Variants in FBXO36 observed in about 807,000 individuals in gnomAD.
FBXO36 encodes F-box protein 36, also known as F-box only protein 36.
A neutral mutation model predicts 17.0 loss-of-function variants in FBXO36; 18 were observed. The observed-to-expected ratio is 1.06, with a 90% CI of 0.73 to 1.57. The LOEUF (loss-of-function observed/expected upper bound fraction) is 1.57, where lower values mean the gene tolerates loss of function less well. Among genes scored for constraint, FBXO36 ranks in the 40% most tolerant of loss-of-function variants. The pLI is 0.00. For missense variants in FBXO36, 229 were observed against 221.9 expected (o/e 1.03, Z -0.20); for synonymous variants, 83 against 85.3 (o/e 0.97, Z 0.15).
intron 1 of FBXO36, among the ~76,000 whole-genome samples, chr2:229,962,533 A>ATTTTATT (rs2077128446): frequency 1.3e-5 from 2 of 149,080 alleles, no homozygotes; most frequent in African/African-American, 4.9e-5. Context: ...ATTTTATTTT[A>ATTTTATT]TTTTATTTTA....
intron 1 of FBXO36, among the ~76,000 whole-genome samples, chr2:229,973,090 C>T (rs1001283859): frequency 7.6e-6 from 1 of 131,192 alleles, no homozygotes; most frequent in Non-Finnish European, 1.7e-5. Flanking sequence ...ATATTGTGTA[C>T]CTTGTCAATA....
intron 1 of FBXO36, among the ~76,000 whole-genome samples, chr2:229,939,924 CATACAAAAAT>C (rs1311813149): frequency 6.6e-6 from 1 of 152,034 alleles, no homozygotes; most frequent in Non-Finnish European, 1.5e-5. Flanking sequence ...TCTACAAAAA[CATACAAAAAT>C]TAGCCAGGCG....
At chr2:229,938,012 GGGT>G (rs2076973943) in intron 1 of FBXO36, 2 of 152,600 alleles carry the variant, frequency 1.3e-5, no homozygotes, top group East Asian at 3.9e-4. Flanking sequence ...TGTCGCCCCA[GGGT>G]GGAGTGCAGT....
chr2:229,922,552 A>G lies in FBXO36; in HGVS notation c.39A>G (p.Val13=). 1.2e-6 allele frequency: 2 copies of G among 1,614,016 alleles called. No homozygotes were observed. The highest frequency in any genetic ancestry group is 1.7e-6 in the Non-Finnish European group (2 of 1,179,996). ...SWLPETLFET[V]GQGPPPSKDY... is the part of the protein sequence containing the mutation. ...TGCCGGAGACTCTCTTTGAAACTGT[A>G]GGACAAGGCCCGCCGCCTAGCAAAG... Residue 13 remains valine (V), a synonymous_variant, in exon 1 of 4, where the codon GTA becomes GTG. Transcript: ENST00000283946.
intron 2 of FBXO36, among the ~76,000 whole-genome samples, chr2:229,979,551 AGGTGGATCACCT>A (rs2077227467): frequency 6.6e-6 from 1 of 151,708 alleles, no homozygotes; most frequent in Admixed American, 6.6e-5. Context: ...AGGCAGACGC[AGGTGGATCACCT>A]GAGGTCAGGT....
At chr2:229,986,784 CT>C (rs1452099393) in intron 2 of FBXO36, among the ~76,000 whole-genome samples, 4 of 151,900 alleles carry the variant, frequency 2.6e-5, no homozygotes, top group African/African-American at 9.7e-5. Context: ...ATCCACCCAC[CT>C]CAGCCTCCCA....
intron 1 of FBXO36, chr2:229,939,058 G>C (rs866070331): frequency 8.6e-6 from 1 of 115,620 alleles, no homozygotes; most frequent in African/African-American, 3.4e-5. Context: ...TTTGTTTTTT[G>C]TTTTTTTTTT....
intron 1 of FBXO36, among the ~76,000 whole-genome samples, chr2:229,932,297 G>T (rs1031800974): frequency 6.6e-6 from 1 of 151,860 alleles, no homozygotes; most frequent in Non-Finnish European, 1.5e-5. Context: ...GACGCGGATG[G>T]ATCACCTAAG....
intron 2 of FBXO36, among the ~76,000 whole-genome samples, chr2:229,989,260 T>C (rs1331899153): frequency 6.6e-6 from 1 of 152,144 alleles, no homozygotes; most frequent in Admixed American, 6.6e-5. Flanking sequence ...TTTATTTTTA[T>C]TTATTTATTT....
chr2:229,998,062 C>T (rs1226044821), intron 3 of FBXO36, among the ~76,000 whole-genome samples: 3 of 152,164 alleles, frequency 2.0e-5, no homozygotes, highest in Non-Finnish European at 4.4e-5. Context: ...TGTGTTGGGG[C>T]AATGTCCATT....
chr2:229,937,662 C>T lies in FBXO36; in HGVS notation c.96+15053C>T, dbSNP rs368056553. ...AGTGTTGGCTTTTTTTCCACTCACC[C>T]AATCTTCCTGATCTCAAGTCAAGCT... On this transcript the variant is annotated intron_variant, in intron 1 of 3. Transcript: ENST00000283946. 9.2e-5 allele frequency among the ~76,000 whole-genome samples: 14 copies of T among 152,258 alleles called. 1 individual carries two copies. The South Asian group carries it at 2.7e-3, about 29-fold the overall frequency.
At chr2:229,971,913 A>C (rs2077182143) in intron 1 of FBXO36, among the ~76,000 whole-genome samples, 1 of 151,162 alleles carries the variant, frequency 6.6e-6, no homozygotes, top group South Asian at 2.1e-4. Context: ...CCTGGGCCCA[A>C]GTGATCCTCC....
chr2:229,971,801 A>G (rs370903602), intron 1 of FBXO36, among the ~76,000 whole-genome samples: 1 of 151,086 alleles, frequency 6.6e-6, no homozygotes, highest in Non-Finnish European at 1.5e-5. Flanking sequence ...TGATCCTCCC[A>G]CCTCAGCACA....
At chr2:229,941,267 A>G (rs992743052) in intron 1 of FBXO36, among the ~76,000 whole-genome samples, 4 of 152,006 alleles carry the variant, frequency 2.6e-5, no homozygotes, top group African/African-American at 7.3e-5. Flanking sequence ...CATCCTGGCT[A>G]ACACGGTGAA....
Position 230,010,968 on chromosome 2 carries a change from A to G in FBXO36, c.*84A>G. ...AAATCTCTTCTGTCTCCTTTTCTTA[A>G]GAACTAAGAGGTTTTGTTGATGCGT... On this transcript the variant is annotated 3_prime_UTR_variant, in exon 4 of 4. Transcript: ENST00000283946. The G allele has an allele frequency of 4.3e-6, 6 of 1,385,116 alleles. No homozygotes were observed. The highest frequency in any genetic ancestry group is 2.5e-5 in the East Asian group (1 of 39,584). The allele number at this position is 1,385,116 out of a possible 1,614,324, so 85.8% of individuals were successfully genotyped here. A position where few individuals can be genotyped will look rare whatever the true frequency, so the allele number is the denominator to read the frequency against.
chr2:229,935,025 A>G (rs2076957095), intron 1 of FBXO36, among the ~76,000 whole-genome samples: 1 of 152,204 alleles, frequency 6.6e-6, no homozygotes, highest in South Asian at 2.1e-4. Context: ...TAAACTAATA[A>G]TCCAAAAGAA....
In FBXO36 at chr2:229,986,660, G is replaced by A. The variant is rs576963976; in HGVS notation, c.206-10091G>A. Among the ~76,000 whole-genome samples the A allele has an allele frequency of 5.2e-3, 774 of 150,232 alleles. 5 individuals are homozygous for A. The highest frequency in any genetic ancestry group is 0.018 in the African/African-American group (716 of 40,878). On this transcript the variant is annotated intron_variant, in intron 2 of 3. Transcript: ENST00000283946. ...AGCGATTCTCCTGCCTCAGCCTCCC[G>A]AGTAGCTGGGACTACAGGCACCCAC...
intron 1 of FBXO36, among the ~76,000 whole-genome samples, chr2:229,954,289 C>A (rs2077073405): frequency 8.7e-6 from 1 of 114,452 alleles, no homozygotes. Context: ...GCTTCCCAGG[C>A]TGGAATGCAA....
intron 2 of FBXO36, among the ~76,000 whole-genome samples, chr2:229,996,110 T>TA (rs942315334): frequency 3.3e-5 from 5 of 149,980 alleles, no homozygotes; most frequent in African/African-American, 4.9e-5. Context: ...ACTCCATCTC[T>TA]AAAAAAAAAT....
Sources: gnomAD v4.1 joint callset for allele counts (sites outside exome capture counted in the v4.1 genomes callset) on GRCh38, gnomAD v4.1.1 for gene constraint, MANE v1.5 for transcripts, NCBI Gene and HGNC (gene_info 2026-07-23, HGNC 2026-07-21) for gene names.